GAREM1: variants seen among roughly 807,000 people sequenced by gnomAD.
GAREM1 encodes the protein GRB2-associated and regulator of MAPK protein 1.
In GAREM1, 26 loss-of-function variants were observed where a neutral mutation model predicts 71.3. That is an observed-to-expected ratio of 0.36 (90% CI 0.27 to 0.51). The LOEUF is 0.51. Among genes scored for constraint, GAREM1 ranks in the 20% least tolerant of loss-of-function variants. GAREM1 has a pLI of 0.95. For missense variants in GAREM1, 1,026 were observed against 1,103.1 expected (o/e 0.93, Z 0.99); for synonymous variants, 440 against 433.2 (o/e 1.02, Z -0.20).
intron 2 of GAREM1, among the ~76,000 whole-genome samples, chr18:32,338,832 T>G (rs2047622493): frequency 6.6e-6 from 1 of 152,252 alleles, no homozygotes; most frequent in Non-Finnish European, 1.5e-5. Flanking sequence ...CAAACACTAT[T>G]CTAGATGTCT....
intron 3 of GAREM1, among the ~76,000 whole-genome samples, chr18:32,308,712 G>T (rs545254532): frequency 6.7e-6 from 1 of 149,874 alleles, no homozygotes; most frequent in Non-Finnish European, 1.5e-5. Context: ...TCATGTATTA[G>T]GGCCACTGAA....
intron 2 of GAREM1, among the ~76,000 whole-genome samples, chr18:32,386,846 C>T (rs1483033725): frequency 6.6e-6 from 1 of 152,102 alleles, no homozygotes; most frequent in Admixed American, 6.6e-5. Context: ...TTTTGTATTA[C>T]TCACGTGCCA....
intron 1 of GAREM1, among the ~76,000 whole-genome samples, chr18:32,418,804 G>C (rs1446517653): frequency 6.6e-6 from 1 of 152,184 alleles, no homozygotes; most frequent in Non-Finnish European, 1.5e-5. Flanking sequence ...AAGCTTGAGA[G>C]ATGCTAACAC....
intron 3 of GAREM1, among the ~76,000 whole-genome samples, chr18:32,291,060 C>T (rs2047078673): frequency 6.6e-6 from 1 of 152,128 alleles, no homozygotes; most frequent in African/African-American, 2.4e-5. Flanking sequence ...CATTATTTGT[C>T]TTTGCAAAAT....
At chr18:32,416,146 T>C (rs193048573) in intron 1 of GAREM1, among the ~76,000 whole-genome samples, 1 of 152,172 alleles carries the variant, frequency 6.6e-6, no homozygotes, top group Admixed American at 6.6e-5. Flanking sequence ...ATTAAATACC[T>C]AGAAATTAAC....
chr18:32,341,724 G>A (rs2047649614), intron 2 of GAREM1, among the ~76,000 whole-genome samples: 1 of 152,180 alleles, frequency 6.6e-6, no homozygotes, highest in African/African-American at 2.4e-5. Context: ...TTCCCAAGTG[G>A]AGAATGGGGT....
intron 1 of GAREM1, among the ~76,000 whole-genome samples, chr18:32,451,222 G>T (rs986056289): frequency 2.0e-5 from 3 of 152,092 alleles, no homozygotes; most frequent in African/African-American, 7.2e-5. Flanking sequence ...CCTCAATGAG[G>T]ATGATGATGG....
In GAREM1 at chr18:32,267,807, C is replaced by T. The variant is rs939319320; in HGVS notation, c.*64G>A. 1.4e-5 allele frequency: 19 copies of T among 1,341,550 alleles called. No individual in the cohort carries two copies. The highest frequency in any genetic ancestry group is 2.0e-5 in the Non-Finnish European group (19 of 972,188). The allele number at this position is 1,341,550 out of a possible 1,614,324, so 83.1% of individuals were successfully genotyped here. On this transcript the variant is annotated 3_prime_UTR_variant, in exon 6 of 6. Coordinates refer to ENST00000269209, the MANE Select transcript of GAREM1 (RefSeq NM_001242409.2). ...AGTGCAAAAACATGAAATTGTGTCC[C>T]AGCCCACCCCTTCTAGCACACGCAT...
Position 32,264,679 on chromosome 18 carries a change from G to A in GAREM1, c.*3192C>T, listed in dbSNP as rs921728436. 6.6e-6 allele frequency: 1 copy of A among 152,226 alleles called. No homozygotes were observed. The highest frequency in any genetic ancestry group is 1.5e-5 in the Non-Finnish European group (1 of 68,054). 9.4% of individuals were successfully genotyped at this position (152,226 alleles called of 1,614,324 possible). ...AATGATATATGTGGGTTGAAAGAAT[G>A]TAAGTAAATTTCACAGTTCATAAAG... On this transcript the variant is annotated 3_prime_UTR_variant, in exon 6 of 6. Transcript: ENST00000269209.
chr18:32,357,126 T>TG (rs1340349951), intron 2 of GAREM1, among the ~76,000 whole-genome samples: 1 of 152,094 alleles, frequency 6.6e-6, no homozygotes, highest in African/African-American at 2.4e-5. Flanking sequence ...TCCCTGTACT[T>TG]GCAATACTAC....
At chr18:32,387,195 A>G (rs1224895950) in intron 2 of GAREM1, among the ~76,000 whole-genome samples, 1 of 152,172 alleles carries the variant, frequency 6.6e-6, no homozygotes, top group Non-Finnish European at 1.5e-5. Context: ...GAATAGATAC[A>G]TTAATTGTAG....
At chr18:32,379,805 A>C (rs1486727889) in intron 2 of GAREM1, among the ~76,000 whole-genome samples, 1 of 152,104 alleles carries the variant, frequency 6.6e-6, no homozygotes, top group African/African-American at 2.4e-5. Flanking sequence ...GGGAGTCCCA[A>C]ATCTTGACCT....
chr18:32,404,029 C>T (rs1208138011), intron 1 of GAREM1, among the ~76,000 whole-genome samples: 1 of 152,196 alleles, frequency 6.6e-6, no homozygotes, highest in East Asian at 1.9e-4. Flanking sequence ...TGCTGTTAGT[C>T]TTTATTTAGA....
intron 1 of GAREM1, among the ~76,000 whole-genome samples, chr18:32,452,460 A>C (rs1302309213): frequency 6.6e-6 from 1 of 151,994 alleles, no homozygotes; most frequent in Non-Finnish European, 1.5e-5. Context: ...CCTCTTTAAA[A>C]CCTCACAAAA....
At chr18:32,409,831 A>T (rs1018098410) in intron 1 of GAREM1, among the ~76,000 whole-genome samples, 1 of 152,326 alleles carries the variant, frequency 6.6e-6, no homozygotes, top group African/African-American at 2.4e-5. Context: ...GTATTTCTGC[A>T]AACATTAATA....
At chr18:32,275,612 C>T (rs1398923755) in intron 4 of GAREM1, among the ~76,000 whole-genome samples, 1 of 152,222 alleles carries the variant, frequency 6.6e-6, no homozygotes, top group African/African-American at 2.4e-5. Flanking sequence ...ATTCCCCGGC[C>T]TAAAGCTTTT....
intron 2 of GAREM1, among the ~76,000 whole-genome samples, chr18:32,313,392 T>C (rs926366974): frequency 1.4e-4 from 21 of 152,098 alleles, no homozygotes; most frequent in African/African-American, 5.1e-4. Context: ...AGTCAGTGCA[T>C]GCAGTTGAAA....
intron 3 of GAREM1, among the ~76,000 whole-genome samples, chr18:32,308,196 T>TTGATATGGCA (rs1241013922): frequency 0.018 from 2,744 of 151,326 alleles, 66 homozygotes; most frequent in African/African-American, 0.023. Flanking sequence ...AACTGAGCCT[T>TTGATATGGCA]TGAACTCTTA....
chr18:32,364,026 A>G (rs1276766203), intron 2 of GAREM1, among the ~76,000 whole-genome samples: 1 of 46,418 alleles, frequency 2.2e-5, no homozygotes, highest in Non-Finnish European at 3.4e-5. Context: ...ATATATATAT[A>G]TGTTTTTTTT....
Sources: allele counts gnomAD v4.1 joint callset (sites outside exome capture counted in the v4.1 genomes callset), GRCh38; gene constraint gnomAD v4.1.1; transcripts MANE v1.5; gene names NCBI Gene and HGNC (gene_info 2026-07-23, HGNC 2026-07-21).